HHAT: variants seen among roughly 807,000 people sequenced by gnomAD.
HHAT encodes protein-cysteine N-palmitoyltransferase HHAT.
A neutral mutation model predicts 70.8 loss-of-function variants in HHAT; 47 were observed. The observed-to-expected ratio is 0.66, with a 90% confidence interval of 0.53 to 0.85. HHAT has a LOEUF of 0.85. Among genes scored for constraint, HHAT ranks in the 40% least tolerant of loss-of-function variants. The pLI, the probability that HHAT is intolerant of heterozygous loss-of-function variation, is 0.00. For synonymous variants in HHAT, 228 were observed against 247.6 expected, an observed-to-expected ratio of 0.92 and a Z score of 0.74; for missense variants, 609 against 604.8, an observed-to-expected ratio of 1.01 and a Z score of -0.07.
chr1:210,623,734 A>G (rs1669326872), intron 11 of HHAT, 64 bp downstream of exon 11: 1 of 1,516,504 alleles, frequency 6.6e-7, no homozygotes, highest in South Asian at 1.2e-5. Context: ...GGATGGGATC[A>G]TACATGGGAT....
intron 9 of HHAT, among the ~76,000 whole-genome samples, chr1:210,528,169 G>A (rs768497138): frequency 1.3e-5 from 2 of 152,160 alleles, no homozygotes; most frequent in Non-Finnish European, 2.9e-5. Context: ...GAGAGAGAGA[G>A]ACACATGGTC....
At chr1:210,423,895 T>C (rs1222845142) in intron 7 of HHAT, among the ~76,000 whole-genome samples, 1 of 152,242 alleles carries the variant, frequency 6.6e-6, no homozygotes, top group Non-Finnish European at 1.5e-5. Flanking sequence ...TATATTGATC[T>C]ACATGCCTGT....
Position 210,421,686 on chromosome 1 carries a change from C to T in HHAT, c.856+3361C>T, listed in dbSNP as rs1572325555. On this transcript the variant is annotated intron_variant, in intron 7 of 11. Transcript: ENST00000261458. Reference sequence around the variant, plus strand: ...TCTTGAACTCCTGACCTCAAGTGATCCACCCACCTCGGCCTCCCAAATTGC... The same window carrying T: ...TCTTGAACTCCTGACCTCAAGTGATTCACCCACCTCGGCCTCCCAAATTGC... Among the ~76,000 whole-genome samples the T allele has an allele frequency of 3.9e-5, 6 of 152,222 alleles. No individual in the cohort carries two copies. In the South Asian group the frequency reaches 1.2e-3, roughly 32 times the overall value.
intron 10 of HHAT, among the ~76,000 whole-genome samples, chr1:210,599,682 T>C (rs1663807994): frequency 6.6e-6 from 1 of 152,212 alleles, no homozygotes; most frequent in African/African-American, 2.4e-5. Flanking sequence ...CTCATTTCTT[T>C]CCTGGTCTAC....
intron 10 of HHAT, among the ~76,000 whole-genome samples, chr1:210,615,593 G>T (rs1218895270): frequency 6.6e-6 from 1 of 152,156 alleles, no homozygotes; most frequent in Non-Finnish European, 1.5e-5. Flanking sequence ...CTTTGACGTT[G>T]GTGACGTACA....
intron 11 of HHAT, among the ~76,000 whole-genome samples, chr1:210,635,040 A>T (rs1671608292): frequency 6.6e-6 from 1 of 152,194 alleles, no homozygotes; most frequent in African/African-American, 2.4e-5. Flanking sequence ...TGGCTCAGGG[A>T]TGCACCAATA....
At chr1:210,655,316 G>A (rs1370243833) in intron 11 of HHAT, among the ~76,000 whole-genome samples, 2 of 152,188 alleles carry the variant, frequency 1.3e-5, no homozygotes, top group African/African-American at 2.4e-5. Flanking sequence ...CTGAGATCCT[G>A]GCTGTCTTGA....
chr1:210,557,199 A>G lies in HHAT; in HGVS notation c.1044-30699A>G, dbSNP rs116142216. On this transcript the variant is annotated intron_variant, in intron 9 of 11. Coordinates refer to ENST00000261458, the MANE Select transcript of HHAT (RefSeq NM_018194.6). ...TGAAATGCATTAAGGTATGAAATGC[A>G]TATGTTATTAACCAACACTTGCTAA... is the stretch of plus-strand genomic sequence containing the variant. Among the ~76,000 whole-genome samples the G allele has an allele frequency of 2.1e-3, 320 of 152,358 alleles. 1 individual carries two copies. Among genetic ancestry groups the G allele is most frequent in the African/African-American group, 7.1e-3 (295 of 41,586 alleles).
chr1:210,352,731 A>T lies in HHAT; in HGVS notation c.91+3665A>T, dbSNP rs946123. On this transcript the variant is annotated intron_variant, in intron 2 of 11. Transcript: ENST00000261458. ...CTCAGCAAATCCACAGCAGGGACTC[A>T]ACAGAATACCCCTTCTTCCCCCCAA... Among the ~76,000 whole-genome samples the T allele has an allele frequency of 2.7e-3, 417 of 152,240 alleles. 6 individuals are homozygous for T. Among genetic ancestry groups the T allele is most frequent in the African/African-American group, 9.7e-3 (402 of 41,540 alleles).
At chr1:210,632,894 G>A (rs942796459) in intron 11 of HHAT, among the ~76,000 whole-genome samples, 5 of 152,142 alleles carry the variant, frequency 3.3e-5, no homozygotes, top group Admixed American at 2.6e-4. Context: ...GGACCCAGGC[G>A]GCCATGGGGA....
intron 3 of HHAT, among the ~76,000 whole-genome samples, chr1:210,375,877 AAT>A (rs1012432675): frequency 5.3e-5 from 8 of 151,400 alleles, no homozygotes; most frequent in African/African-American, 1.9e-4. Context: ...AAAAAAAAAA[AAT>A]CTCACTCTGT....
intron 4 of HHAT, among the ~76,000 whole-genome samples, chr1:210,396,776 T>C (rs1205947211): frequency 6.6e-6 from 1 of 152,170 alleles, no homozygotes; most frequent in Non-Finnish European, 1.5e-5. Flanking sequence ...GAGCAAACCA[T>C]TGATACAGCA....
intron 6 of HHAT, among the ~76,000 whole-genome samples, chr1:210,407,100 T>C (rs955482530): frequency 3.3e-5 from 5 of 152,024 alleles, no homozygotes; most frequent in Non-Finnish European, 4.4e-5. Flanking sequence ...TGAAGGTGGC[T>C]GTGGGGAACT....
intron 11 of HHAT, among the ~76,000 whole-genome samples, chr1:210,625,899 A>G (rs954012361): frequency 6.6e-5 from 10 of 152,248 alleles, no homozygotes; most frequent in Non-Finnish European, 1.2e-4. Context: ...GTCATTGGCC[A>G]GAGCCAGTCA....
intron 11 of HHAT, among the ~76,000 whole-genome samples, chr1:210,660,165 C>T (rs1364308639): frequency 6.6e-6 from 1 of 152,140 alleles, no homozygotes; most frequent in Non-Finnish European, 1.5e-5. Flanking sequence ...TTTAGAAAAC[C>T]CCATTGTCTC....
At chr1:210,369,380 C>T (rs749846881) in intron 3 of HHAT, among the ~76,000 whole-genome samples, 4 of 152,180 alleles carry the variant, frequency 2.6e-5, no homozygotes, top group East Asian at 1.9e-4. Flanking sequence ...CAGAGGCAGA[C>T]GGGAGCTTGA....
chr1:210,351,315 G>C (rs1043535676), intron 2 of HHAT, among the ~76,000 whole-genome samples: 1 of 152,152 alleles, frequency 6.6e-6, no homozygotes, highest in Non-Finnish European at 1.5e-5. Flanking sequence ...GCATTAAAGA[G>C]GGCAATCTAC....
rs568547015 is a variant in HHAT at position 210,483,847 on chromosome 1, A to T, written c.1007+19192A>T. Among the ~76,000 whole-genome samples, 6 of 152,326 alleles carry T rather than the reference A, an allele frequency of 3.9e-5. No homozygotes were observed. In the South Asian group the frequency reaches 8.3e-4, roughly 21 times the overall value. Reference sequence around the variant, plus strand: ...GGTAGAATAATATAAGTATAAATACATTTCTGTACTATAAATCTTTCTATA... The same window carrying T: ...GGTAGAATAATATAAGTATAAATACTTTTCTGTACTATAAATCTTTCTATA... On this transcript the variant is annotated intron_variant, in intron 8 of 11. Transcript: ENST00000261458.
At chr1:210,538,125 T>C (rs1292844819) in intron 9 of HHAT, among the ~76,000 whole-genome samples, 1 of 152,044 alleles carries the variant, frequency 6.6e-6, no homozygotes, top group Non-Finnish European at 1.5e-5. Flanking sequence ...AATGGATTCA[T>C]TGTATCCCGT....
Sources: allele counts gnomAD v4.1 joint callset (sites outside exome capture counted in the v4.1 genomes callset), GRCh38; gene constraint gnomAD v4.1.1; transcripts MANE v1.5; gene names NCBI Gene and HGNC (gene_info 2026-07-23, HGNC 2026-07-21).